PIGN: variants seen among roughly 807,000 people sequenced by gnomAD.
The protein encoded by PIGN is GPI ethanolamine phosphate transferase 1.
In PIGN, 117 loss-of-function variants were observed where a neutral mutation model predicts 125.4. The observed-to-expected ratio is 0.93, with a 90% CI of 0.80 to 1.09. PIGN has a LOEUF of 1.09. PIGN is among the 50% of genes least tolerant of loss of function. The pLI is 0.00. For synonymous variants in PIGN, 392 were observed against 377.8 expected, an observed-to-expected ratio of 1.04 and a Z score of -0.44; for missense variants, 1,075 against 1,094.9, an observed-to-expected ratio of 0.98 and a Z score of 0.26.
intron 1 of PIGN, among the ~76,000 whole-genome samples, chr18:62,183,959 G>GCTTAATA (rs2037808505): frequency 6.6e-6 from 1 of 151,630 alleles, no homozygotes; most frequent in Non-Finnish European, 1.5e-5. Context: ...TAGTTTAATT[G>GCTTAATA]CTTAATACTA....
chr18:62,142,091 C>T (rs1782299482), intron 11 of PIGN, among the ~76,000 whole-genome samples: 1 of 152,210 alleles, frequency 6.6e-6, no homozygotes, highest in South Asian at 2.1e-4. Context: ...GTACTTACCA[C>T]AGCTATAAGT....
intron 28 of PIGN, among the ~76,000 whole-genome samples, 200 bp downstream of exon 28, chr18:62,082,473 T>C (rs2033492001): frequency 6.6e-6 from 1 of 152,086 alleles, no homozygotes; most frequent in African/African-American, 2.4e-5. Context: ...GAAAGCAAGT[T>C]TGTCTGCTAG....
rs546621638 is a variant in PIGN, at chr18:62,138,132, A to G, written c.1172+111T>C. The stretch of plus-strand genomic sequence containing the variant: ...TTCAATTTGGAGTTTACACTAATGT[A>G]TATAAAATGGCAAACTGTATAAGTA... On this transcript the variant is annotated intron_variant, in intron 14 of 30. Transcript: ENST00000640252. The G allele has an allele frequency of 2.7e-4, 380 of 1,397,010 alleles. 6 individuals carry two copies. In the South Asian group the frequency reaches 5.1e-3, roughly 19 times the overall value. The allele number at this position is 1,397,010 out of a possible 1,614,324, so 86.5% of individuals were successfully genotyped here. A position where few individuals can be genotyped will look rare whatever the true frequency, so the allele number is the denominator to read the frequency against.
intron 7 of PIGN, among the ~76,000 whole-genome samples, chr18:62,151,640 C>T (rs566741001): frequency 3.9e-5 from 6 of 152,188 alleles, no homozygotes; most frequent in South Asian, 4.1e-4. Context: ...CACTTGACCT[C>T]GCTGCTCACT....
At chr18:62,130,697 T>C (rs1485706268) in intron 14 of PIGN, among the ~76,000 whole-genome samples, 1 of 152,162 alleles carries the variant, frequency 6.6e-6, no homozygotes, top group Non-Finnish European at 1.5e-5. Context: ...TCAGCTAGTG[T>C]TTAGAGGACA....
intron 30 of PIGN, chr18:62,070,283 T>C: frequency 2.5e-6 from 1 of 395,382 alleles, no homozygotes; most frequent in Non-Finnish European, 4.5e-6. Flanking sequence ...CACTTTAGAA[T>C]GAGAGGGCTG....
chr18:62,148,169 T>A (rs764075320), intron 8 of PIGN, 45 bp downstream of exon 8: 18 of 1,443,040 alleles, frequency 1.2e-5, no homozygotes, highest in Non-Finnish European at 1.7e-5. Context: ...TTCAATAGAA[T>A]AGCTGTTGCC....
At chr18:62,082,533 G>A (rs549335517) in intron 28 of PIGN, 140 bp downstream of exon 28, 5 of 496,924 alleles carry the variant, frequency 1.0e-5, no homozygotes, top group African/African-American at 4.0e-5. Context: ...CTGACTAAAC[G>A]GGTGAAAATT....
In PIGN at chr18:62,041,672, T is replaced by C. The variant is rs1291613758; in HGVS notation, c.*4184A>G. The C allele has an allele frequency of 1.4e-5, 2 of 147,706 alleles. No individual in the cohort carries two copies. Among genetic ancestry groups the C allele is most frequent in the African/African-American group, 2.5e-5 (1 of 39,330 alleles). 9.1% of individuals were successfully genotyped at this position (147,706 alleles called of 1,614,324 possible). A position where few individuals can be genotyped will look rare whatever the true frequency, so the allele number is the denominator to read the frequency against. On this transcript the variant is annotated 3_prime_UTR_variant, in exon 31 of 31. Coordinates refer to ENST00000640252, the MANE Select transcript of PIGN (RefSeq NM_176787.5). Reference sequence around the variant, plus strand: ...GTGTGTGTGTGTGTGTGTGTGTGTGTGTGTGTGTGTGTGTGTGTGTGTGTG... The same window carrying C: ...GTGTGTGTGTGTGTGTGTGTGTGTGCGTGTGTGTGTGTGTGTGTGTGTGTG...
intron 1 of PIGN, among the ~76,000 whole-genome samples, chr18:62,170,044 T>G (rs2037296729): frequency 6.6e-6 from 1 of 152,236 alleles, no homozygotes; most frequent in South Asian, 2.1e-4. Context: ...CACCTGGCAT[T>G]GTCAATCTTT....
intron 23 of PIGN, among the ~76,000 whole-genome samples, chr18:62,029,890 G>A (rs1417635486): frequency 6.6e-6 from 1 of 152,192 alleles, no homozygotes; most frequent in East Asian, 1.9e-4. Context: ...GCATCCTGAA[G>A]GAGCAGGTCT....
chr18:62,185,888 A>T (rs2037939705), intron 1 of PIGN, among the ~76,000 whole-genome samples: 1 of 152,216 alleles, frequency 6.6e-6, no homozygotes, highest in South Asian at 2.1e-4. Context: ...AACTCTCTGA[A>T]GCATTCAACT....
At chr18:62,089,172 A>C (rs1599490935) in intron 24 of PIGN, among the ~76,000 whole-genome samples, 2 of 152,144 alleles carry the variant, frequency 1.3e-5, no homozygotes, top group Admixed American at 6.5e-5. Context: ...CTCTTCAAAG[A>C]CTAATTTCTC....
chr18:62,171,628 T>G (rs1281771314), intron 1 of PIGN, among the ~76,000 whole-genome samples: 2 of 152,182 alleles, frequency 1.3e-5, no homozygotes, highest in African/African-American at 4.8e-5. Context: ...ACTCCTAATA[T>G]GCTGACAGCT....
chr18:62,186,571 C>G (rs1197433280), intron 1 of PIGN, among the ~76,000 whole-genome samples: 1 of 152,216 alleles, frequency 6.6e-6, no homozygotes, highest in Non-Finnish European at 1.5e-5. Context: ...CTCCAGCCCC[C>G]GTCCCCACCC....
At chr18:62,151,251 G>GA (rs1429024163) in intron 7 of PIGN, among the ~76,000 whole-genome samples, 1 of 152,140 alleles carries the variant, frequency 6.6e-6, no homozygotes, top group Non-Finnish European at 1.5e-5. Context: ...CGACCACTAG[G>GA]AATGTCGGGT....
chr18:62,160,038 G>A (rs1442916486), intron 4 of PIGN, among the ~76,000 whole-genome samples: 1 of 152,184 alleles, frequency 6.6e-6, no homozygotes, highest in African/African-American at 2.4e-5. Flanking sequence ...GCGTGAACCT[G>A]GGAGGCTGAG....
chr18:62,094,367 A>G (rs2034090536), intron 23 of PIGN, among the ~76,000 whole-genome samples: 1 of 152,170 alleles, frequency 6.6e-6, no homozygotes, highest in Admixed American at 6.5e-5. Context: ...AAGAGACTGT[A>G]CAGAATTTAG....
rs563131569 is a variant in PIGN, at chr18:62,022,837, C to A, written c.2143-5096G>T. Among the ~76,000 whole-genome samples, 280 of 152,268 alleles carry A rather than the reference C, an allele frequency of 1.8e-3. 1 individual carries two copies. Among genetic ancestry groups the A allele is most frequent in the Admixed American group, 3.7e-3 (57 of 15,298 alleles). On this transcript the variant is annotated intron_variant, in intron 23 of 24. Transcript: ENST00000639600. Reference sequence around the variant, plus strand: ...TATCTGTGGGGAATTTGTTTCAAGACCCTCTGTGGATACCAGAATCTGCAG... The same window carrying A: ...TATCTGTGGGGAATTTGTTTCAAGAACCTCTGTGGATACCAGAATCTGCAG...
Sources: gnomAD v4.1 joint callset for allele counts (sites outside exome capture counted in the v4.1 genomes callset) on GRCh38, gnomAD v4.1.1 for gene constraint, MANE v1.5 for transcripts, NCBI Gene and HGNC (gene_info 2026-07-23, HGNC 2026-07-21) for gene names.